YTHDC1: variants seen among roughly 807,000 people sequenced by gnomAD.
The protein encoded by YTHDC1 is YTH domain-containing protein 1.
In YTHDC1, 12 loss-of-function variants were observed where a neutral mutation model predicts 107.0. That is an observed-to-expected ratio of 0.11 (90% CI 0.07 to 0.18). YTHDC1 has a LOEUF of 0.18. Among genes scored for constraint, YTHDC1 ranks in the 10% least tolerant of loss-of-function variants. The pLI is 1.00. For missense variants in YTHDC1, 635 were observed against 898.8 expected (o/e 0.71, Z 3.75); for synonymous variants, 280 against 289.5 (o/e 0.97, Z 0.33).
chr4:68,335,853 C>A (rs901716533), intron 4 of YTHDC1, among the ~76,000 whole-genome samples: 3 of 151,422 alleles, frequency 2.0e-5, no homozygotes, highest in Non-Finnish European at 2.9e-5. Context: ...CTCTACCTCC[C>A]TTGAAAAGCC....
chr4:68,327,953 T>G (rs529659859), intron 9 of YTHDC1, among the ~76,000 whole-genome samples: 1 of 152,140 alleles, frequency 6.6e-6, no homozygotes, highest in Admixed American at 6.5e-5. Context: ...ATAAACTTAC[T>G]TTAAAATAAT....
Position 68,322,793 on chromosome 4 carries a change from T to G in YTHDC1, c.1557A>C (p.Ser519=). The G allele has an allele frequency of 6.2e-7, 1 of 1,614,200 alleles. No individual in the cohort carries two copies. Residue 519 remains serine (S), a synonymous_variant, in exon 11 of 17, where the codon TCA becomes TCC. Coordinates refer to ENST00000344157, the MANE Select transcript of YTHDC1 (RefSeq NM_001031732.4). This position sits in a 1 kb window ranked among gnomAD's most constrained non-coding sequence, Gnocchi z 4.8. Reference sequence around the variant, plus strand: ...GTTCTCGACGGGATGGACGTCCTCGTGATCGGGGCTGAGAATGCATTCTTC... The same window carrying G: ...GTTCTCGACGGGATGGACGTCCTCGGGATCGGGGCTGAGAATGCATTCTTC... The part of the protein sequence containing the change: ...HKRRMHSQPR[S]RGRPSRREPV...
chr4:68,341,561 T>C (rs1724803038), intron 1 of YTHDC1, among the ~76,000 whole-genome samples: 2 of 151,980 alleles, frequency 1.3e-5, no homozygotes, highest in Non-Finnish European at 2.9e-5. Context: ...GAATGGTTTT[T>C]ACGTTTTTAA....
At chr4:68,346,560 G>A (rs1005922563) in intron 1 of YTHDC1, among the ~76,000 whole-genome samples, 6 of 152,150 alleles carry the variant, frequency 3.9e-5, no homozygotes, top group East Asian at 1.9e-4. Flanking sequence ...ATGAAATTAC[G>A]CACTGTCCCA....
At chr4:68,336,475 T>G (rs752531353) in intron 4 of YTHDC1, among the ~76,000 whole-genome samples, 2 of 152,190 alleles carry the variant, frequency 1.3e-5, no homozygotes, top group African/African-American at 4.8e-5. Context: ...ATTTTATTTA[T>G]AGTCTTCATC....
intron 3 of YTHDC1, 59 bp from the exon 4 acceptor site, chr4:68,337,509 A>G: frequency 6.3e-7 from 1 of 1,596,702 alleles, no homozygotes; most frequent in South Asian, 1.1e-5. Context: ...CAGGGTGAAT[A>G]AACAGTTCTA....
Position 68,333,309 on chromosome 4 carries a change from T to A in YTHDC1, c.972A>T (p.Ala324=). 1 of 1,607,912 alleles carries A rather than the reference T, an allele frequency of 6.2e-7. No individual in the cohort carries two copies. The highest frequency in any genetic ancestry group is 8.5e-7 in the Non-Finnish European group (1 of 1,175,752). Residue 324 remains alanine (A), a splice_region_variant and synonymous_variant, in exon 5 of 17, where the codon GCA becomes GCT. Transcript: ENST00000344157. ...GATATGATCACAAAATGAGAATACCTGCATATGACTCTGATGCAGAGCTTC... is the reference window on the plus strand; with the variant it reads ...GATATGATCACAAAATGAGAATACCAGCATATGACTCTGATGCAGAGCTTC... ...RSGSSASESY[A]GSEKKHEKLS...
Position 68,318,684 on chromosome 4 carries a change from G to A in YTHDC1, c.1761+6C>T, listed in dbSNP as rs372306145. The stretch of plus-strand genomic sequence containing the variant: ...CCACATTAAATAGATAAAATGAAAT[G>A]CTTACCCCATTTAAAAACACATCTC... On this transcript the variant is annotated splice_donor_region_variant and intron_variant, in intron 14 of 16. Transcript: ENST00000344157. 1.9e-6 allele frequency: 3 copies of A among 1,613,796 alleles called. No individual in the cohort carries two copies. The highest frequency in any genetic ancestry group is 2.2e-5 in the South Asian group (2 of 91,072).
chr4:68,336,886 C>A, intron 4 of YTHDC1, 141 bp downstream of exon 4: 1 of 1,183,836 alleles, frequency 8.4e-7, no homozygotes, highest in Non-Finnish European at 1.1e-6. Flanking sequence ...GTATTTATAA[C>A]ATTCAAAAGC....
At position 68,314,285 on chromosome 4, in the gene YTHDC1, G is replaced by A; in HGVS notation, c.1998C>T (p.Arg666=). ...YDMRVDDFLR[R]TQAVVSGRRS... ...TCCGGCCACTGACAACAGCTTGTGT[G>A]CGACGAAGGAAATCATCCACCCTCA... Residue 666 remains arginine (R), a synonymous_variant, in exon 17 of 17, where the codon CGC becomes CGT. Transcript: ENST00000344157. 1 of 1,613,960 alleles carries A rather than the reference G, an allele frequency of 6.2e-7. No homozygotes were observed.
At chr4:68,326,160 A>G (rs560667295) in intron 9 of YTHDC1, among the ~76,000 whole-genome samples, 1 of 152,312 alleles carries the variant, frequency 6.6e-6, no homozygotes, top group South Asian at 2.1e-4. Context: ...TGTTATTTAA[A>G]TATCAGCAAT....
Position 68,349,813 on chromosome 4 carries a change from G to T in YTHDC1, c.-60C>A. On this transcript the variant is annotated 5_prime_UTR_variant, in exon 1 of 17. Transcript: ENST00000344157. ...CCGCCGCTTAGACGCGACTCGCGCGGGCGCCGCAGCCGCGGCAGAAGCACG... is the reference window on the plus strand; with the variant it reads ...CCGCCGCTTAGACGCGACTCGCGCGTGCGCCGCAGCCGCGGCAGAAGCACG... 1 of 1,609,768 alleles carries T rather than the reference G, an allele frequency of 6.2e-7. No individual in the cohort carries two copies. Among genetic ancestry groups the T allele is most frequent in the Admixed American group, 1.7e-5 (1 of 59,824 alleles).
chr4:68,317,375 A>C (rs1004105680), intron 15 of YTHDC1, among the ~76,000 whole-genome samples: 1 of 152,204 alleles, frequency 6.6e-6, no homozygotes, highest in Non-Finnish European at 1.5e-5. Flanking sequence ...AAAGTCTCAT[A>C]ATCATCTGCA....
At chr4:68,328,288 A>G (rs1204837180) in intron 9 of YTHDC1, among the ~76,000 whole-genome samples, 1 of 152,210 alleles carries the variant, frequency 6.6e-6, no homozygotes, top group Admixed American at 6.5e-5. Flanking sequence ...GTTACATTAC[A>G]ACGTTTCCTC....
intron 1 of YTHDC1, among the ~76,000 whole-genome samples, chr4:68,349,213 C>A (rs1560511270): frequency 6.6e-6 from 1 of 152,286 alleles, no homozygotes; most frequent in South Asian, 2.1e-4. Flanking sequence ...ACGGGTAATT[C>A]ACTTTGCCTA....
chr4:68,345,874 C>T (rs1725351452), intron 1 of YTHDC1, among the ~76,000 whole-genome samples: 1 of 151,880 alleles, frequency 6.6e-6, no homozygotes, highest in Admixed American at 6.6e-5. Context: ...TACAGTAGCA[C>T]GCCCAACAGA....
intron 15 of YTHDC1, among the ~76,000 whole-genome samples, chr4:68,318,032 T>C (rs1365003540): frequency 1.3e-5 from 2 of 152,202 alleles, no homozygotes; most frequent in Non-Finnish European, 2.9e-5. Context: ...GCCTGTACTA[T>C]TAACACAAAT....
chr4:68,340,607 A>G (rs977534761), intron 1 of YTHDC1, among the ~76,000 whole-genome samples: 3 of 152,098 alleles, frequency 2.0e-5, no homozygotes, highest in Admixed American at 6.5e-5. Context: ...CAGATGTTTA[A>G]TAAGTACTGG....
intron 3 of YTHDC1, 54 bp downstream of exon 3, chr4:68,337,518 T>C: frequency 6.3e-7 from 1 of 1,587,774 alleles, no homozygotes; most frequent in Non-Finnish European, 8.5e-7. Context: ...TAAACAGTTC[T>C]AAAGCCTCAA....
Sources: gnomAD v4.1 joint callset for allele counts (sites outside exome capture counted in the v4.1 genomes callset) on GRCh38, gnomAD v4.1.1 for gene constraint, Gnocchi (gnomAD v3.1) non-coding constraint, MANE v1.5 for transcripts, NCBI Gene and HGNC (gene_info 2026-07-23, HGNC 2026-07-21) for gene names.